Variants in ADCY2 observed in about 807,000 individuals in gnomAD.
The protein encoded by ADCY2 is adenylate cyclase 2.
A neutral mutation model predicts 125.2 loss-of-function variants in ADCY2; 31 were observed. The observed-to-expected ratio is 0.25, with a 90% CI of 0.19 to 0.33. The LOEUF is 0.33. Ranked by LOEUF, ADCY2 falls within the 10% of genes least tolerant of loss-of-function variation. The probability of loss-of-function intolerance (pLI) is 1.00; values close to 1 mark genes in which losing one functional copy is unlikely to be tolerated. For synonymous variants in ADCY2, 512 were observed against 548.4 expected (o/e 0.93, Z 0.93); for missense variants, 904 against 1,418.2 (o/e 0.64, Z 5.82).
In ADCY2 at chr5:7,802,963, C is replaced by T. The variant is rs187580294; in HGVS notation, c.2775+599C>T. Among the ~76,000 whole-genome samples the T allele has an allele frequency of 9.8e-4, 150 of 152,298 alleles. No individual in the cohort carries two copies. The highest frequency in any genetic ancestry group is 3.5e-3 in the African/African-American group (147 of 41,568). ...GATATTGCAGCCACACTATTCTTAT[C>T]ACTATCTTGCAAAATAGAAGAAAAT... On this transcript the variant is annotated intron_variant, in intron 21 of 24. Transcript: ENST00000338316. The surrounding 1 kb of genome is among the most constrained non-coding windows in gnomAD (Gnocchi z 4.6).
At chr5:7,593,819 A>G (rs542572233) in intron 3 of ADCY2, among the ~76,000 whole-genome samples, 5 of 152,296 alleles carry the variant, frequency 3.3e-5, no homozygotes, top group African/African-American at 1.2e-4. Flanking sequence ...AAAAAATAAC[A>G]TGACAGAGTG....
At chr5:7,641,131 C>T (rs1316436670) in intron 4 of ADCY2, among the ~76,000 whole-genome samples, 1 of 152,108 alleles carries the variant, frequency 6.6e-6, no homozygotes. Flanking sequence ...CAGTCACAAC[C>T]CCTCTTTCAA....
chr5:7,674,556 A>C (rs1740052742), intron 4 of ADCY2, among the ~76,000 whole-genome samples: 1 of 152,160 alleles, frequency 6.6e-6, no homozygotes, highest in Non-Finnish European at 1.5e-5. Context: ...CATTTTATTC[A>C]TTTTTTAAAA....
rs542237405 is a variant in ADCY2, at chr5:7,644,494, T to A, written c.720+18178T>A. On this transcript the variant is annotated intron_variant, in intron 4 of 24. Transcript: ENST00000338316. ...TTTCTCCATATTTATGTTGGCCAGC[T>A]TTTAGCCCATCATACATTTTTAGTC... Among the ~76,000 whole-genome samples the A allele has an allele frequency of 7.9e-5, 12 of 152,282 alleles. No individual in the cohort carries two copies. The East Asian group carries it at 2.3e-3, about 29-fold the overall frequency.
At chr5:7,678,881 CAG>C (rs1481855349) in intron 4 of ADCY2, among the ~76,000 whole-genome samples, 2 of 152,234 alleles carry the variant, frequency 1.3e-5, no homozygotes, top group Non-Finnish European at 2.9e-5. Flanking sequence ...ATGAGTTCCT[CAG>C]TGAAATCTTA....
At chr5:7,433,169 G>A (rs1310063431) in intron 2 of ADCY2, among the ~76,000 whole-genome samples, 3 of 152,242 alleles carry the variant, frequency 2.0e-5, no homozygotes, top group Admixed American at 1.3e-4. Context: ...ATTCAGATAT[G>A]CTCACTCCAT....
rs553667144 is a variant in ADCY2, at chr5:7,503,482, C to T, written c.409-17256C>T. On this transcript the variant is annotated intron_variant, in intron 2 of 24. Coordinates refer to ENST00000338316, the MANE Select transcript of ADCY2 (RefSeq NM_020546.3). ...AGTAAGACAGGCTTCATCTTAAAGT[C>T]ATGTCAGTTTAATAACTGCATGTGA... is the stretch of plus-strand genomic sequence containing the variant. 3.3e-5 allele frequency among the ~76,000 whole-genome samples: 5 copies of T among 152,128 alleles called. No individual in the cohort carries two copies. The East Asian group carries it at 9.6e-4, about 29-fold the overall frequency.
intron 2 of ADCY2, among the ~76,000 whole-genome samples, chr5:7,518,113 T>G (rs1292751533): frequency 6.6e-6 from 1 of 152,206 alleles, no homozygotes; most frequent in Admixed American, 6.5e-5. Context: ...TACACAACAA[T>G]TGATTTTCCC....
At position 7,719,709 on chromosome 5, in the gene ADCY2, A is replaced by T. The variant is rs6885857; in HGVS notation, c.1703+2472A>T. Among the ~76,000 whole-genome samples, 737 of 152,282 alleles carry T rather than the reference A, an allele frequency of 4.8e-3. 7 individuals carry two copies. Among genetic ancestry groups the T allele is most frequent in the African/African-American group, 0.017 (707 of 41,538 alleles). On this transcript the variant is annotated intron_variant, in intron 12 of 24. Coordinates refer to ENST00000338316, the MANE Select transcript of ADCY2 (RefSeq NM_020546.3). ...CTTGTCTTAGAAGGACTCCAAGGAC[A>T]CTCATACTATCAGATCAGGACCTTA... is the stretch of plus-strand genomic sequence containing the variant.
chr5:7,620,469 A>G (rs755954210), intron 3 of ADCY2, among the ~76,000 whole-genome samples: 4 of 152,202 alleles, frequency 2.6e-5, no homozygotes, highest in Non-Finnish European at 4.4e-5. Context: ...TGACCTAAAG[A>G]TCACTGGATG....
chr5:7,656,404 TGA>T (rs1739328926), intron 4 of ADCY2, among the ~76,000 whole-genome samples: 1 of 152,252 alleles, frequency 6.6e-6, no homozygotes, highest in South Asian at 2.1e-4. Context: ...GATCCTATGC[TGA>T]TTCTACTCTT....
chr5:7,425,474 C>T (rs1740353876), intron 2 of ADCY2, among the ~76,000 whole-genome samples: 1 of 152,176 alleles, frequency 6.6e-6, no homozygotes, highest in Non-Finnish European at 1.5e-5. Flanking sequence ...TGTATATGTA[C>T]CCATGCAGGC....
intron 2 of ADCY2, among the ~76,000 whole-genome samples, chr5:7,509,881 A>G (rs931203862): frequency 1.3e-5 from 2 of 152,210 alleles, no homozygotes; most frequent in Non-Finnish European, 2.9e-5. Context: ...GTGAATTTCC[A>G]AGAATTTCCA....
At chr5:7,441,379 A>C (rs1224755209) in intron 2 of ADCY2, among the ~76,000 whole-genome samples, 1 of 152,178 alleles carries the variant, frequency 6.6e-6, no homozygotes. Context: ...GCTGAGTGAT[A>C]CTGCATGTCA....
intron 2 of ADCY2, among the ~76,000 whole-genome samples, chr5:7,450,193 A>G (rs565708774): frequency 2.6e-5 from 4 of 152,234 alleles, no homozygotes; most frequent in African/African-American, 9.6e-5. Context: ...GTCTTAAGTC[A>G]TGATAGGCCA....
At chr5:7,424,749 A>G (rs1740326563) in intron 2 of ADCY2, among the ~76,000 whole-genome samples, 1 of 152,224 alleles carries the variant, frequency 6.6e-6, no homozygotes, top group Non-Finnish European at 1.5e-5. Flanking sequence ...AACTTAGCCC[A>G]AGGAATAATA....
intron 4 of ADCY2, among the ~76,000 whole-genome samples, chr5:7,633,862 G>A (rs1228955343): frequency 6.6e-6 from 1 of 152,184 alleles, no homozygotes; most frequent in African/African-American, 2.4e-5. Flanking sequence ...AATACTCTGT[G>A]ATATGGTACT....
chr5:7,818,782 C>T (rs1418330578), intron 23 of ADCY2, among the ~76,000 whole-genome samples: 1 of 147,264 alleles, frequency 6.8e-6, no homozygotes, highest in Non-Finnish European at 1.5e-5. Flanking sequence ...ACCCCAGAGA[C>T]TCTACACTGT....
chr5:7,420,535 G>T (rs1356351051), intron 2 of ADCY2, among the ~76,000 whole-genome samples: 2 of 152,134 alleles, frequency 1.3e-5, no homozygotes, highest in African/African-American at 4.8e-5. Flanking sequence ...ACTGTAAGGG[G>T]TGGGGTTTTC....
Sources: gnomAD v4.1 joint callset for allele counts (sites outside exome capture counted in the v4.1 genomes callset) on GRCh38, gnomAD v4.1.1 for gene constraint, Gnocchi (gnomAD v3.1) non-coding constraint, MANE v1.5 for transcripts, NCBI Gene and HGNC (gene_info 2026-07-23, HGNC 2026-07-21) for gene names.